The following NR3C1 variants were observed in gnomAD, a reference collection of about 807,000 sequenced individuals.
The protein encoded by NR3C1 is glucocorticoid receptor.
NR3C1 carries 14 observed loss-of-function variants against 74.0 expected under a neutral mutation model. The observed-to-expected ratio is 0.19, with a 90% confidence interval of 0.12 to 0.30. The LOEUF (loss-of-function observed/expected upper bound fraction) is 0.30. NR3C1 is among the 10% of genes least tolerant of loss of function. The pLI is 1.00. For synonymous variants in NR3C1, 308 were observed against 332.5 expected, an observed-to-expected ratio of 0.93 and a Z score of 0.80; for missense variants, 695 against 909.8, an observed-to-expected ratio of 0.76 and a Z score of 3.04.
intron 2 of NR3C1, chr5:143,332,552 A>T: frequency 3.8e-6 from 3 of 795,722 alleles, no homozygotes; most frequent in Non-Finnish European, 5.9e-6. Flanking sequence ...CCTGGAACTT[A>T]AAATAAAAAT....
chr5:143,290,639 C>A (rs1158317588), intron 7 of NR3C1, among the ~76,000 whole-genome samples: 1 of 152,130 alleles, frequency 6.6e-6, no homozygotes, highest in Non-Finnish European at 1.5e-5. Flanking sequence ...ACGATCTTGG[C>A]TCACTGCAAC....
intron 7 of NR3C1, among the ~76,000 whole-genome samples, chr5:143,288,250 C>G (rs937681208): frequency 6.6e-6 from 1 of 151,824 alleles, no homozygotes; most frequent in Admixed American, 6.6e-5. Context: ...TCCTGAGTAG[C>G]TGGGACTACA....
At chr5:143,325,708 C>T (rs1824449361) in intron 2 of NR3C1, among the ~76,000 whole-genome samples, 1 of 151,990 alleles carries the variant, frequency 6.6e-6, no homozygotes, top group Non-Finnish European at 1.5e-5. Flanking sequence ...AAACAATATA[C>T]ATATAGGATT....
At chr5:143,357,963 C>T (rs1831470774) in intron 2 of NR3C1, among the ~76,000 whole-genome samples, 2 of 152,058 alleles carry the variant, frequency 1.3e-5, no homozygotes, top group South Asian at 2.1e-4. Context: ...AACAAAAAAA[C>T]GTAAGCACTT....
intron 4 of NR3C1, 133 bp downstream of exon 4, chr5:143,309,964 A>AT: frequency 2.8e-6 from 2 of 716,976 alleles, no homozygotes; most frequent in Non-Finnish European, 4.9e-6. Flanking sequence ...GGGCAGTAAC[A>AT]TTATGCTAGT....
At chr5:143,286,399 T>TATATCATAACCAAATAGGATTTATCCCCG (rs1814493377) in intron 7 of NR3C1, among the ~76,000 whole-genome samples, 1 of 152,124 alleles carries the variant, frequency 6.6e-6, no homozygotes, top group Non-Finnish European at 1.5e-5. Flanking sequence ...AAAAGGATAC[T>TATATCATAACCAAATAGGATTTATCCCCG]ATATCATAAC....
chr5:143,419,734 C>T (rs775325101), intron 1 of NR3C1, among the ~76,000 whole-genome samples: 19 of 152,104 alleles, frequency 1.2e-4, no homozygotes, highest in Non-Finnish European at 2.2e-4. Context: ...GACCACAGGA[C>T]GGGGGCGAAA....
In NR3C1 at chr5:143,279,981, G is replaced by C. The variant is rs939302308; in HGVS notation, c.*1908C>G. 4.6e-5 allele frequency: 7 copies of C among 152,698 alleles called. No individual in the cohort carries two copies. The highest frequency in any genetic ancestry group is 2.6e-4 in the Admixed American group (4 of 15,272). 9.5% of individuals were successfully genotyped at this position (152,698 alleles called of 1,614,324 possible). A position where few individuals can be genotyped will look rare whatever the true frequency, so the allele number is the denominator to read the frequency against. On this transcript the variant is annotated 3_prime_UTR_variant, in exon 9 of 9. Transcript: ENST00000394464. ...CAGACTCACTGTTGGAATGAGAAGG[G>C]TGGTCAGAATGGGAGGCAGAGGATA...
At chr5:143,424,821 G>T (rs898170099) in intron 1 of NR3C1, among the ~76,000 whole-genome samples, 1 of 152,142 alleles carries the variant, frequency 6.6e-6, no homozygotes, top group Non-Finnish European at 1.5e-5. Flanking sequence ...ATTTTCAAAA[G>T]CACCTACTAC....
intron 4 of NR3C1, among the ~76,000 whole-genome samples, chr5:143,307,782 G>C (rs1023397430): frequency 6.6e-6 from 1 of 152,206 alleles, no homozygotes; most frequent in African/African-American, 2.4e-5. Flanking sequence ...ATACATAGGA[G>C]ATTAGAGAGC....
At chr5:143,320,659 T>G (rs930715779) in intron 2 of NR3C1, among the ~76,000 whole-genome samples, 12 of 152,204 alleles carry the variant, frequency 7.9e-5, no homozygotes, top group African/African-American at 2.9e-4. Context: ...TTAGGTCCTG[T>G]GTATTTATTT....
intron 7 of NR3C1, among the ~76,000 whole-genome samples, chr5:143,292,071 T>G (rs1232052438): frequency 6.6e-6 from 1 of 152,214 alleles, no homozygotes; most frequent in African/African-American, 2.4e-5. Flanking sequence ...GTAATTAGAC[T>G]TTTAGTGTGA....
chr5:143,435,369 C>T (rs61757430), exon 1 of NR3C1: 11 of 985,274 alleles, frequency 1.1e-5, no homozygotes, highest in Non-Finnish European at 1.1e-5. Context: ...TTTAAAGAAG[C>T]GTGTTGCAAT....
At chr5:143,310,998 T>C (rs1820818734) in intron 3 of NR3C1, among the ~76,000 whole-genome samples, 1 of 152,218 alleles carries the variant, frequency 6.6e-6, no homozygotes, top group South Asian at 2.1e-4. Context: ...GGGTAGATGG[T>C]TAACTGTATC....
rs1179612849 is a variant in NR3C1 at position 143,300,080 on chromosome 5, A to G, written c.1747+405T>C. On this transcript the variant is annotated intron_variant, in intron 5 of 8. Transcript: ENST00000394464. The surrounding 1 kb of genome is among the most constrained non-coding windows in gnomAD (Gnocchi z 5.2). ...TTAAAATCATTCTACTTTAGTACAA[A>G]TTTTGACAATCAACATACTTGATGT... is the stretch of plus-strand genomic sequence containing the variant. 6.6e-6 allele frequency among the ~76,000 whole-genome samples: 1 copy of G among 152,224 alleles called. No homozygotes were observed. Among genetic ancestry groups the G allele is most frequent in the African/African-American group, 2.4e-5 (1 of 41,464 alleles).
intron 4 of NR3C1, among the ~76,000 whole-genome samples, chr5:143,306,596 A>C (rs542010762): frequency 3.3e-5 from 5 of 152,340 alleles, no homozygotes; most frequent in Non-Finnish European, 5.9e-5. Flanking sequence ...GATATGTGCC[A>C]CACGGTACAT....
chr5:143,304,706 A>C (rs1352444811), intron 4 of NR3C1, among the ~76,000 whole-genome samples: 18 of 152,074 alleles, frequency 1.2e-4, no homozygotes, highest in Admixed American at 9.8e-4. Flanking sequence ...GTAAAAAAAA[A>C]CCACACACAA....
Position 143,279,408 on chromosome 5 carries a change from C to CA in NR3C1, c.*2480dup. ...GTGCTTTCTGGTTTTAACCACATAACATTCTATAAAGGAATGATAATCTAC... is the reference window on the plus strand; with the variant it reads ...GTGCTTTCTGGTTTTAACCACATAACAATTCTATAAAGGAATGATAATCTAC... On this transcript the variant is annotated 3_prime_UTR_variant, in exon 9 of 9. Transcript: ENST00000394464. The CA allele has an allele frequency of 6.5e-7, 1 of 1,539,374 alleles. No homozygotes were observed. The highest frequency in any genetic ancestry group is 1.4e-5 in the African/African-American group (1 of 72,462).
intron 2 of NR3C1, among the ~76,000 whole-genome samples, chr5:143,342,431 A>T (rs1428556396): frequency 6.6e-6 from 1 of 152,200 alleles, no homozygotes. Flanking sequence ...TGGAATCTAG[A>T]TTCTCAGACC....
Sources: gnomAD v4.1 joint callset for allele counts (sites outside exome capture counted in the v4.1 genomes callset) on GRCh38, gnomAD v4.1.1 for gene constraint, Gnocchi (gnomAD v3.1) non-coding constraint, MANE v1.5 for transcripts, NCBI Gene and HGNC (gene_info 2026-07-23, HGNC 2026-07-21) for gene names.